CHPT1: variants seen among roughly 807,000 people sequenced by gnomAD.
The protein encoded by CHPT1 is cholinephosphotransferase 1.
In CHPT1, 36 loss-of-function variants were observed where a neutral mutation model predicts 47.6. The ratio of observed to expected loss-of-function variants is 0.76; its 90% CI spans 0.58 to 1.00. The LOEUF (loss-of-function observed/expected upper bound fraction) is 1.00. CHPT1 is among the 50% of genes least tolerant of loss of function. The pLI is 0.00. For synonymous variants in CHPT1, 194 were observed against 186.3 expected, an observed-to-expected ratio of 1.04 and a Z score of -0.33; for missense variants, 458 against 498.1, an observed-to-expected ratio of 0.92 and a Z score of 0.77.
intron 1 of CHPT1, among the ~76,000 whole-genome samples, chr12:101,704,189 T>C (rs918878704): frequency 6.6e-6 from 1 of 151,208 alleles, no homozygotes; most frequent in Non-Finnish European, 1.5e-5. Flanking sequence ...TTTTTTGTTT[T>C]GTTTTTGTTT....
In CHPT1 at chr12:101,712,963, A is replaced by G. The variant is rs1247009920; in HGVS notation, c.274-1127A>G. ...ACTGGTAATTTTTTACTGAATGCCA[A>G]ACCTTGTGAATTTTACCTTTGGGAT... On this transcript the variant is annotated intron_variant, in intron 1 of 8. Coordinates refer to ENST00000229266, the MANE Select transcript of CHPT1 (RefSeq NM_020244.3). 1.3e-5 allele frequency among the ~76,000 whole-genome samples: 2 copies of G among 148,416 alleles called. 1 individual carries two copies. The highest frequency in any genetic ancestry group is 3.0e-5 in the Non-Finnish European group (2 of 66,408).
intron 5 of CHPT1, 96 bp downstream of exon 5, chr12:101,720,350 G>A: frequency 9.4e-7 from 1 of 1,068,308 alleles, no homozygotes; most frequent in Non-Finnish European, 1.4e-6. Context: ...TTCAAGAATG[G>A]GGAAGGAAAC....
At chr12:101,716,046 A>T (rs1380795451) in intron 3 of CHPT1, among the ~76,000 whole-genome samples, 1 of 152,206 alleles carries the variant, frequency 6.6e-6, no homozygotes, top group African/African-American at 2.4e-5. Flanking sequence ...GCCAGACTAG[A>T]GTGTGTTAAG....
At chr12:101,727,459 A>ATAGTT (rs1951984163) in intron 8 of CHPT1, 1 of 151,074 alleles carries the variant, frequency 6.6e-6, no homozygotes, top group African/African-American at 2.4e-5. Flanking sequence ...ATTTTATATA[A>ATAGTT]TAGTTCAACA....
chr12:101,723,123 A>G (rs1337253579), intron 5 of CHPT1, 45 bp from the exon 6 acceptor site: 4 of 1,532,374 alleles, frequency 2.6e-6, no homozygotes, highest in Admixed American at 1.7e-5. Flanking sequence ...ATTGTAATAA[A>G]TGCAGTGTTA....
chr12:101,717,121 C>A, intron 4 of CHPT1: 1 of 376,968 alleles, frequency 2.7e-6, no homozygotes, highest in South Asian at 2.3e-5. Context: ...TAACTTTTTC[C>A]AGGGTGAAAT....
intron 1 of CHPT1, among the ~76,000 whole-genome samples, chr12:101,701,002 A>C (rs542602335): frequency 6.6e-6 from 1 of 152,350 alleles, no homozygotes; most frequent in Admixed American, 6.5e-5. Flanking sequence ...TTATCTACTC[A>C]TATAGGCTTT....
chr12:101,720,301 T>C, intron 5 of CHPT1, 47 bp downstream of exon 5: 1 of 1,485,524 alleles, frequency 6.7e-7, no homozygotes, highest in Admixed American at 2.0e-5. Context: ...TGATACATTT[T>C]CTTATCACCA....
At chr12:101,710,332 G>A (rs775563996) in intron 1 of CHPT1, among the ~76,000 whole-genome samples, 11 of 149,050 alleles carry the variant, frequency 7.4e-5, no homozygotes, top group Non-Finnish European at 7.5e-5. Flanking sequence ...GCGACAGAGC[G>A]AGACCCTGTC....
At chr12:101,704,941 A>C (rs1406970689) in intron 1 of CHPT1, among the ~76,000 whole-genome samples, 1 of 77,584 alleles carries the variant, frequency 1.3e-5, no homozygotes, top group Non-Finnish European at 2.3e-5. Context: ...TTTCAAATGG[A>C]GAGACTAAGG....
At chr12:101,717,432 T>C (rs1362943932) in intron 4 of CHPT1, 1 of 369,024 alleles carries the variant, frequency 2.7e-6, no homozygotes. Context: ...TCACACTTTC[T>C]GCTCATAGTG....
Position 101,714,541 on chromosome 12 carries a change from A to G in CHPT1, c.459A>G (p.Leu153=). 6.2e-7 allele frequency: 1 copy of G among 1,611,962 alleles called. No individual in the cohort carries two copies. The highest frequency in any genetic ancestry group is 8.5e-7 in the Non-Finnish European group (1 of 1,179,164). The part of the protein sequence containing the change: ...MAVGASIAAR[L]GTYPDWFFFC... The stretch of plus-strand genomic sequence containing the variant: ...TGGGAGCTTCAATTGCCGCTCGCTT[A>G]GGAACTTATCCTGACTGGTTTTTTT... Residue 153 remains leucine, a synonymous_variant, in exon 3 of 9, where the codon TTA becomes TTG. Coordinates refer to ENST00000229266, the MANE Select transcript of CHPT1 (RefSeq NM_020244.3).
At chr12:101,704,478 T>G (rs1371880755) in intron 1 of CHPT1, among the ~76,000 whole-genome samples, 1 of 151,528 alleles carries the variant, frequency 6.6e-6, no homozygotes, top group African/African-American at 2.4e-5. Context: ...CTTGGCTCAC[T>G]GCTACCTCCG....
chr12:101,717,339 A>G (rs1951778833), intron 4 of CHPT1: 1 of 451,634 alleles, frequency 2.2e-6, no homozygotes, highest in African/African-American at 2.0e-5. Context: ...CATAAATTCA[A>G]GCTTTTTTGC....
At chr12:101,721,625 G>A (rs1951852857) in intron 5 of CHPT1, among the ~76,000 whole-genome samples, 1 of 152,084 alleles carries the variant, frequency 6.6e-6, no homozygotes, top group African/African-American at 2.4e-5. Flanking sequence ...CATTTTTTGA[G>A]GTGTTTTGTC....
chr12:101,709,716 A>G (rs556965364), intron 1 of CHPT1, among the ~76,000 whole-genome samples: 1 of 148,284 alleles, frequency 6.7e-6, no homozygotes, highest in African/African-American at 2.4e-5. Context: ...TAAAGGAAAG[A>G]CTCTTGTGGC....
chr12:101,698,065 G>A lies in CHPT1; in HGVS notation c.204G>A (p.Leu68=). ...PLWMAPNSIT[L]LGLAVNVVTT... is the part of the protein sequence containing the mutation. ...GGATGGCCCCCAACTCCATCACCCTGCTGGGGCTCGCCGTCAACGTGGTCA... is the reference window on the plus strand; with the variant it reads ...GGATGGCCCCCAACTCCATCACCCTACTGGGGCTCGCCGTCAACGTGGTCA... The change falls in exon 1 of 9, where the codon CTG becomes CTA. Residue 68 remains leucine (L), a synonymous_variant. Transcript: ENST00000229266. 1.3e-6 allele frequency: 2 copies of A among 1,571,144 alleles called. No homozygotes were observed. The highest frequency in any genetic ancestry group is 1.7e-6 in the Non-Finnish European group (2 of 1,167,002).
intron 1 of CHPT1, among the ~76,000 whole-genome samples, chr12:101,709,792 A>G (rs1462741773): frequency 6.7e-6 from 1 of 148,706 alleles, no homozygotes. Flanking sequence ...AGTGCTTATC[A>G]GCAGGTTTGA....
intron 8 of CHPT1, chr12:101,728,224 G>C (rs1760041724): frequency 6.6e-6 from 1 of 152,162 alleles, no homozygotes; most frequent in South Asian, 2.1e-4. Context: ...CACTCCAGCT[G>C]GGGTGACAGA....
Sources: gnomAD v4.1 joint callset for allele counts (sites outside exome capture counted in the v4.1 genomes callset) on GRCh38, gnomAD v4.1.1 for gene constraint, MANE v1.5 for transcripts, NCBI Gene and HGNC (gene_info 2026-07-23, HGNC 2026-07-21) for gene names.